FGGY: variants seen among roughly 807,000 people sequenced by gnomAD.
FGGY encodes FGGY carbohydrate kinase domain-containing protein.
Under a neutral mutation model 71.3 loss-of-function variants are expected in FGGY, and 72 were observed. That is an observed-to-expected ratio of 1.01 (90% CI 0.84 to 1.23). FGGY has a LOEUF of 1.23. FGGY is among the 50% of genes most tolerant of loss of function. The pLI is 0.00. For missense variants in FGGY, 668 were observed against 682.3 expected (o/e 0.98, Z 0.23); for synonymous variants, 251 against 250.3 (o/e 1.00, Z -0.02).
At chr1:59,310,477 G>A (rs528814759) in intron 1 of FGGY, among the ~76,000 whole-genome samples, 1 of 152,158 alleles carries the variant, frequency 6.6e-6, no homozygotes, top group African/African-American at 2.4e-5. Flanking sequence ...CCCATTATGG[G>A]CCTAGTTTTG....
intron 5 of FGGY, among the ~76,000 whole-genome samples, chr1:59,399,857 A>C (rs1286834554): frequency 6.6e-6 from 1 of 152,158 alleles, no homozygotes; most frequent in African/African-American, 2.4e-5. Flanking sequence ...TGTACTTTCC[A>C]TTCTGTTCAG....
intron 14 of FGGY, among the ~76,000 whole-genome samples, chr1:59,682,737 G>A (rs535330372): frequency 6.6e-6 from 1 of 152,330 alleles, no homozygotes; most frequent in South Asian, 2.1e-4. Context: ...TCAGAGGAGG[G>A]TGGGAAGGAA....
intron 1 of FGGY, among the ~76,000 whole-genome samples, chr1:59,319,522 A>G (rs1368485436): frequency 6.6e-6 from 1 of 152,212 alleles, no homozygotes; most frequent in East Asian, 1.9e-4. Flanking sequence ...GTATGTATGC[A>G]AGGGGAGAAA....
intron 4 of FGGY, among the ~76,000 whole-genome samples, chr1:59,353,394 A>T (rs80088037): frequency 0.015 from 2,301 of 152,310 alleles, 63 homozygotes; most frequent in African/African-American, 0.053. Context: ...ATAATGAGTG[A>T]TATGTTTTTT....
intron 2 of FGGY, among the ~76,000 whole-genome samples, chr1:59,334,833 T>G (rs982386047): frequency 6.6e-6 from 1 of 152,192 alleles, no homozygotes; most frequent in African/African-American, 2.4e-5. Flanking sequence ...ATGCTTTTTC[T>G]ATAAAGGAAA....
rs536762208 is a variant in FGGY at position 59,554,231 on chromosome 1, A to G, written c.903+4A>G. ...AACGTCTTCTTGTCACATGGGGGTG[A>G]GTCCACTGAGCACAAAGGCAAGGCC... On this transcript the variant is annotated splice_donor_region_variant and intron_variant, in intron 8 of 15. Transcript: ENST00000303721. 9.3e-6 allele frequency: 15 copies of G among 1,610,980 alleles called. No homozygotes were observed. In the Admixed American group the frequency reaches 2.3e-4, roughly 25 times the overall value.
intron 14 of FGGY, among the ~76,000 whole-genome samples, chr1:59,741,278 G>A (rs1225539654): frequency 1.3e-5 from 2 of 152,080 alleles, no homozygotes; most frequent in African/African-American, 4.8e-5. Flanking sequence ...ATTGGATTTT[G>A]GGGGTGGAGC....
At chr1:59,405,354 A>C (rs182998554) in intron 5 of FGGY, among the ~76,000 whole-genome samples, 1 of 152,216 alleles carries the variant, frequency 6.6e-6, no homozygotes, top group African/African-American at 2.4e-5. Flanking sequence ...TCCTGGTTGC[A>C]GGTTTTTCAA....
In FGGY at chr1:59,373,593, C is replaced by T. The variant is rs1256557989; in HGVS notation, c.466-5156C>T. ...TATGGAACCAAAAAAGAGCCCGCAT[C>T]CCCAAGTCAATCCTAAGCCAAAAGA... On this transcript the variant is annotated intron_variant, in intron 4 of 15. Coordinates refer to ENST00000303721, the MANE Select transcript of FGGY (RefSeq NM_018291.5). 3.9e-5 allele frequency among the ~76,000 whole-genome samples: 6 copies of T among 152,214 alleles called. No homozygotes were observed. The South Asian group carries it at 1.0e-3, about 26-fold the overall frequency.
At chr1:59,537,050 T>G (rs1370657603) in intron 7 of FGGY, among the ~76,000 whole-genome samples, 2 of 151,632 alleles carry the variant, frequency 1.3e-5, no homozygotes, top group Non-Finnish European at 2.9e-5. Context: ...AAAGAGGAAG[T>G]CAAATTGTCC....
chr1:59,581,567 C>T lies in FGGY; in HGVS notation c.904-26236C>T, dbSNP rs962964532. On this transcript the variant is annotated intron_variant, in intron 8 of 15. Coordinates refer to ENST00000303721, the MANE Select transcript of FGGY (RefSeq NM_018291.5). ...CTGTGGCTGTGGCTTATTCATCTCT[C>T]CATACCCAAAGACTAGCATATAATA... Among the ~76,000 whole-genome samples the T allele has an allele frequency of 6.7e-5, 10 of 149,890 alleles. 2 individuals carry two copies. The highest frequency in any genetic ancestry group is 2.5e-4 in the African/African-American group (10 of 39,584).
At chr1:59,521,433 G>A (rs1047894778) in intron 7 of FGGY, among the ~76,000 whole-genome samples, 5 of 152,154 alleles carry the variant, frequency 3.3e-5, no homozygotes, top group Admixed American at 6.5e-5. Context: ...GAAGAAAACC[G>A]AGAGAATCCA....
rs201622176 is a variant in FGGY at position 59,726,627 on chromosome 1, GA to G, written c.1513-31303del. ...TTAGTGGATACAGCTCTATTCAGAT[GA>G]TTTATTTCTTGTGTAAATTTTGATA... is the stretch of plus-strand genomic sequence containing the variant. On this transcript the variant is annotated intron_variant, in intron 14 of 15. Coordinates refer to ENST00000303721, the MANE Select transcript of FGGY (RefSeq NM_018291.5). Among the ~76,000 whole-genome samples, 359 of 152,218 alleles carry G rather than the reference GA, an allele frequency of 2.4e-3. 9 individuals carry two copies. The East Asian group carries it at 0.056, about 24-fold the overall frequency.
At chr1:59,306,294 A>G (rs1454987826) in intron 1 of FGGY, among the ~76,000 whole-genome samples, 1 of 152,200 alleles carries the variant, frequency 6.6e-6, no homozygotes, top group African/African-American at 2.4e-5. Flanking sequence ...ACCAATAATA[A>G]AGGGGAACTT....
intron 14 of FGGY, among the ~76,000 whole-genome samples, chr1:59,700,898 A>G (rs2097703987): frequency 6.6e-6 from 1 of 152,186 alleles, no homozygotes; most frequent in South Asian, 2.1e-4. Context: ...AAAGGACAGC[A>G]AGTGCAAAGG....
At chr1:59,647,780 G>T in intron 11 of FGGY, among the ~76,000 whole-genome samples, 1 of 141,754 alleles carries the variant, frequency 7.1e-6, no homozygotes. Flanking sequence ...TAAGTTTTAG[G>T]GTACATGTGC....
At chr1:59,581,870 A>G (rs1210559277) in intron 8 of FGGY, among the ~76,000 whole-genome samples, 1 of 150,006 alleles carries the variant, frequency 6.7e-6, no homozygotes, top group Non-Finnish European at 1.5e-5. Flanking sequence ...ATTAGAGCTT[A>G]AGTGATCTTT....
intron 1 of FGGY, among the ~76,000 whole-genome samples, chr1:59,311,241 ATT>A (rs879455696): frequency 2.1e-5 from 3 of 146,282 alleles, no homozygotes; most frequent in African/African-American, 7.5e-5. Context: ...CAAACCTGAA[ATT>A]TTTTTTTTTT....
intron 11 of FGGY, among the ~76,000 whole-genome samples, 190 bp from the exon 12 acceptor site, chr1:59,660,029 G>A (rs938824967): frequency 1.3e-5 from 2 of 152,176 alleles, no homozygotes; most frequent in Non-Finnish European, 2.9e-5. Flanking sequence ...TGGGGAGGAA[G>A]GGATAGTTTT....
Sources: allele counts gnomAD v4.1 joint callset (sites outside exome capture counted in the v4.1 genomes callset), GRCh38; gene constraint gnomAD v4.1.1; transcripts MANE v1.5; gene names NCBI Gene and HGNC (gene_info 2026-07-23, HGNC 2026-07-21).